The following COPE variants were observed in gnomAD, a reference collection of about 807,000 sequenced individuals.
COPE encodes coatomer subunit epsilon.
Under a neutral mutation model 42.1 loss-of-function variants are expected in COPE, and 19 were observed. That is an observed-to-expected ratio of 0.45 (90% CI 0.31 to 0.66). The LOEUF is 0.66. Ranked by LOEUF, COPE falls within the 30% of genes least tolerant of loss-of-function variation. The pLI is 0.05. For synonymous variants in COPE, 195 were observed against 181.3 expected, an observed-to-expected ratio of 1.08 and a Z score of -0.60; for missense variants, 402 against 416.1, an observed-to-expected ratio of 0.97 and a Z score of 0.30.
At position 18,903,433 on chromosome 19, in the gene COPE, G is replaced by C; in HGVS notation, c.580-10C>G. ...GCAGCTTCTCACCACCCTGCAGGGAGGGTCCCGCATCATTGCCTGTGCCCC... is the reference window on the plus strand; with the variant it reads ...GCAGCTTCTCACCACCCTGCAGGGACGGTCCCGCATCATTGCCTGTGCCCC... On this transcript the variant is annotated splice_polypyrimidine_tract_variant and intron_variant, in intron 6 of 9. Transcript: ENST00000262812. 1 of 1,600,952 alleles carries C rather than the reference G, an allele frequency of 6.2e-7. No homozygotes were observed. The highest frequency in any genetic ancestry group is 2.3e-5 in the East Asian group (1 of 44,418).
chr19:18,911,210 C>A lies in COPE; in HGVS notation c.190-139G>T, dbSNP rs994820754. 7.1e-6 allele frequency: 5 copies of A among 709,148 alleles called. No homozygotes were observed. In the African/African-American group the frequency reaches 8.7e-5, roughly 12 times the overall value. 43.9% of individuals were successfully genotyped at this position (709,148 alleles called of 1,614,324 possible). Reference sequence around the variant, plus strand: ...AGCCCAGCATGGGCCACCTCCACTGCAGTACACTGTGGAGGGTGGCATGGC... The same window carrying A: ...AGCCCAGCATGGGCCACCTCCACTGAAGTACACTGTGGAGGGTGGCATGGC... On this transcript the variant is annotated intron_variant, in intron 2 of 9. Coordinates refer to ENST00000262812, the MANE Select transcript of COPE (RefSeq NM_007263.4).
At chr19:18,911,247 T>C (rs2056807848) in intron 2 of COPE, 176 bp from the exon 3 acceptor site, 1 of 618,768 alleles carries the variant, frequency 1.6e-6, no homozygotes. Context: ...TCACCTGTCG[T>C]GAGCAGCCAG....
At chr19:18,915,762 T>TA (rs1445179900) in intron 1 of COPE, among the ~76,000 whole-genome samples, 1 of 152,206 alleles carries the variant, frequency 6.6e-6, no homozygotes, top group African/African-American at 2.4e-5. Context: ...TCTGTCCCTG[T>TA]AGCCAGTGAT....
chr19:18,913,155 G>T, intron 1 of COPE, 109 bp from the exon 2 acceptor site: 1 of 972,524 alleles, frequency 1.0e-6, no homozygotes, highest in Non-Finnish European at 1.6e-6. Context: ...TGGCTTCTCC[G>T]GCAGGGTTGG....
chr19:18,910,744 G>A, intron 3 of COPE: 2 of 586,452 alleles, frequency 3.4e-6, no homozygotes, highest in East Asian at 5.6e-5. Context: ...TGCACACACA[G>A]CACTGTCTCT....
chr19:18,918,337 C>T (rs1242832040), intron 1 of COPE, among the ~76,000 whole-genome samples: 1 of 151,072 alleles, frequency 6.6e-6, no homozygotes, highest in South Asian at 2.1e-4. Context: ...TCCTTAAAAA[C>T]TCTTAGTCTG....
Position 18,907,012 on chromosome 19 carries a change from G to T in COPE, c.391C>A (p.Gln131Lys). Reference sequence around the variant, plus strand: ...GCACGCAGGGCGGCATCCGGGTTCTGGTCGTGGAGATAGATGGAGGCGGCC... The same window carrying T: ...GCACGCAGGGCGGCATCCGGGTTCTTGTCGTGGAGATAGATGGAGGCGGCC... ...LMAASIYLHD[Q>K]NPDAALRALH... Residue 131 changes from glutamine (Q) to lysine (K), a missense_variant, in exon 4 of 10, where the codon CAG (glutamine) becomes AAG (lysine). Coordinates refer to ENST00000262812, the MANE Select transcript of COPE (RefSeq NM_007263.4). 1 of 1,593,086 alleles carries T rather than the reference G, an allele frequency of 6.3e-7. No homozygotes were observed. Among genetic ancestry groups the T allele is most frequent in the East Asian group, 2.3e-5 (1 of 43,896 alleles).
chr19:18,905,110 C>A (rs2056746218), intron 5 of COPE, among the ~76,000 whole-genome samples: 1 of 152,208 alleles, frequency 6.6e-6, no homozygotes, highest in South Asian at 2.1e-4. Context: ...GAGAGACTCA[C>A]TCCATGGAGG....
intron 2 of COPE, among the ~76,000 whole-genome samples, chr19:18,912,013 G>A (rs574526008): frequency 2.0e-5 from 3 of 151,100 alleles, no homozygotes; most frequent in African/African-American, 7.3e-5. Flanking sequence ...ACCACACCTG[G>A]CTAATTCTGT....
At chr19:18,911,891 C>A (rs1462835711) in intron 2 of COPE, among the ~76,000 whole-genome samples, 5 of 145,338 alleles carry the variant, frequency 3.4e-5, no homozygotes, top group African/African-American at 1.0e-4. Flanking sequence ...GCTCTTGGTG[C>A]CCAGGCTGGA....
intron 4 of COPE, 73 bp downstream of exon 4, chr19:18,906,887 C>A: frequency 6.8e-7 from 1 of 1,461,636 alleles, no homozygotes; most frequent in Non-Finnish European, 9.1e-7. Context: ...CCAGCGAGGC[C>A]GTGCGCAGCC....
chr19:18,899,702 G>C lies in COPE; in HGVS notation c.904C>G (p.Leu302Val), dbSNP rs746886291. The change falls in exon 10 of 10, where the codon CTA becomes GTA. Residue 302 changes from leucine (L) to valine (V), a missense_variant. By Grantham distance (32) the Leu-to-Val change is conservative. Coordinates refer to ENST00000262812, the MANE Select transcript of COPE (RefSeq NM_007263.4). ...AKENDFDRLV[L>V]QYAPSA ...CCTCAGGCGCTGGGAGCGTACTGTA[G>C]CACCAGCCTGTCAAAGTCGTTCTCC... The C allele has an allele frequency of 1.2e-6, 2 of 1,613,654 alleles. No homozygotes were observed. The highest frequency in any genetic ancestry group is 1.7e-6 in the Non-Finnish European group (2 of 1,179,978).
intron 1 of COPE, 83 bp from the exon 2 acceptor site, chr19:18,913,129 G>T: frequency 8.1e-7 from 1 of 1,234,074 alleles, no homozygotes; most frequent in Non-Finnish European, 1.2e-6. Context: ...ACAGGCCCCT[G>T]TACACTGGGG....
chr19:18,907,548 G>A (rs772113428), intron 3 of COPE, among the ~76,000 whole-genome samples: 1 of 152,194 alleles, frequency 6.6e-6, no homozygotes. Context: ...CCCACTGCCA[G>A]GGCAGCTGCC....
intron 1 of COPE, among the ~76,000 whole-genome samples, chr19:18,917,241 C>CTTTTTTTTTTTTT (rs531312180): frequency 5.4e-5 from 6 of 110,692 alleles, no homozygotes; most frequent in Admixed American, 1.0e-4. Flanking sequence ...TTCTTTTTTT[C>CTTTTTTTTTTTTT]TTTTTTTTTT....
chr19:18,910,260 C>T (rs1356920925), intron 3 of COPE, among the ~76,000 whole-genome samples: 1 of 152,204 alleles, frequency 6.6e-6, no homozygotes, highest in Non-Finnish European at 1.5e-5. Context: ...GGCGTGGCCT[C>T]ACCCACCCTC....
At chr19:18,917,865 C>A (rs953856293) in intron 1 of COPE, among the ~76,000 whole-genome samples, 17 of 152,098 alleles carry the variant, frequency 1.1e-4, no homozygotes, top group Non-Finnish European at 1.9e-4. Context: ...AAGCTAAAAG[C>A]AGAGTAGGGG....
At chr19:18,903,498 G>A (rs549638184) in intron 6 of COPE, 75 bp from the exon 7 acceptor site, 84 of 1,492,984 alleles carry the variant, frequency 5.6e-5, no homozygotes, top group African/African-American at 3.2e-4. Flanking sequence ...CTCCCCTAGC[G>A]GGGGGGACTC....
Position 18,919,369 on chromosome 19 carries a change from T to G in COPE, c.-21A>C, listed in dbSNP as rs2056893254. The G allele has an allele frequency of 6.2e-7, 1 of 1,610,146 alleles. No individual in the cohort carries two copies. ...GCCATTTCGCTGTCTTCTCACCAGC[T>G]CCTCTTCCTGAAAGACACGTCAGCC... On this transcript the variant is annotated 5_prime_UTR_variant, in exon 1 of 10. Transcript: ENST00000262812.
Sources: allele counts gnomAD v4.1 joint callset (sites outside exome capture counted in the v4.1 genomes callset), GRCh38; gene constraint gnomAD v4.1.1; transcripts MANE v1.5; gene names NCBI Gene and HGNC (gene_info 2026-07-23, HGNC 2026-07-21).